Variants in G6PD observed in about 807,000 individuals in gnomAD.
G6PD encodes glucose-6-phosphate dehydrogenase.
G6PD carries 2 observed loss-of-function variants against 38.2 expected under a neutral mutation model. The ratio of observed to expected loss-of-function variants is 0.05; its 90% confidence interval spans 0.02 to 0.16. G6PD has a LOEUF of 0.16. Ranked by LOEUF, G6PD falls within the 10% of genes least tolerant of loss-of-function variation. The pLI is 1.00. For missense variants in G6PD, 310 were observed against 471.6 expected, an observed-to-expected ratio of 0.66 and a Z score of 3.17; for synonymous variants, 188 against 196.0, an observed-to-expected ratio of 0.96 and a Z score of 0.34.
intron 6 of G6PD, 34 bp from the exon 7 acceptor site, chrX:154,534,194 T>C: frequency 1.7e-6 from 2 of 1,210,536 alleles, no homozygotes; most frequent in Non-Finnish European, 2.2e-6. Context: ...GAACTGACCT[T>C]GGGCCTCTGT....
At chrX:154,539,937 G>A (rs1442851236) in intron 2 of G6PD, among the ~76,000 whole-genome samples, 1 of 110,027 alleles carries the variant, frequency 9.1e-6, no homozygotes, top group African/African-American at 3.3e-5. Flanking sequence ...TGGCCAGGCT[G>A]GCCTCAAACT....
intron 2 of G6PD, among the ~76,000 whole-genome samples, chrX:154,542,779 G>C (rs1557232279): frequency 8.9e-6 from 1 of 111,858 alleles, no homozygotes; most frequent in Admixed American, 9.5e-5. Flanking sequence ...GGCCCTCTTT[G>C]TGGGATCTAT....
chrX:154,542,361 T>A, intron 2 of G6PD: 1 of 1,206,187 alleles, frequency 8.3e-7, no homozygotes, highest in African/African-American at 1.7e-5. Flanking sequence ...CCTGTGAAGC[T>A]CTCCAGCATC....
upstream of G6PD, chrX:154,546,866 C>T (rs1388938712): frequency 3.9e-5 from 43 of 1,101,250 alleles, no homozygotes; most frequent in Non-Finnish European, 4.8e-5. Context: ...GCCCCGCCGG[C>T]CCATTTAATC....
intron 2 of G6PD, among the ~76,000 whole-genome samples, chrX:154,545,127 G>A (rs1006395069): frequency 9.0e-6 from 1 of 111,227 alleles, no homozygotes; most frequent in Non-Finnish European, 1.9e-5. Context: ...CTCTAGTCTC[G>A]GGCGATGGCT....
chrX:154,538,011 T>TA (rs72034046), intron 2 of G6PD, among the ~76,000 whole-genome samples: 8 of 98,280 alleles, frequency 8.1e-5, no homozygotes, highest in Non-Finnish European at 1.4e-4. Context: ...TTTTTTTTTT[T>TA]AAAGACATGG....
rs137852326 is a variant in G6PD, at chrX:154,534,345, C to G, written c.637G>C (p.Val213Leu). 1.7e-6 allele frequency: 2 copies of G among 1,211,526 alleles called. No homozygotes were observed. Among genetic ancestry groups the G allele is most frequent in the Non-Finnish European group, 2.2e-6 (2 of 895,306 alleles). Reference sequence around the variant, plus strand: ...GCCCAGGCTTGGCCCCACCTCAGCACCATGAGGTTCTGCACCATCTCCTTG... The same window carrying G: ...GCCCAGGCTTGGCCCCACCTCAGCAGCATGAGGTTCTGCACCATCTCCTTG... Reference protein sequence around the residue: ...LGKEMVQNLMVLRFANRIFGP... With the variant: ...LGKEMVQNLMLLRFANRIFGP... The change falls in exon 6 of 13, where the codon GTG becomes CTG. Residue 213 changes from valine to leucine, a missense_variant. By Grantham distance (32) the Val-to-Leu change is conservative (BLOSUM62 1). Transcript: ENST00000393562.
intron 2 of G6PD, among the ~76,000 whole-genome samples, chrX:154,537,234 G>C (rs1557230955): frequency 8.9e-6 from 1 of 112,297 alleles, no homozygotes. Flanking sequence ...GAACCCGGGA[G>C]ATGGAGGTTG....
intron 2 of G6PD, among the ~76,000 whole-genome samples, chrX:154,540,204 C>T (rs1345925632): frequency 9.2e-6 from 1 of 109,048 alleles, no homozygotes; most frequent in Admixed American, 9.7e-5. Flanking sequence ...GGCGCGGTGG[C>T]TCATGCCTGT....
At chrX:154,537,230 G>C (rs1202679001) in intron 2 of G6PD, among the ~76,000 whole-genome samples, 1 of 112,044 alleles carries the variant, frequency 8.9e-6, no homozygotes, top group African/African-American at 3.2e-5. Flanking sequence ...ACTTGAACCC[G>C]GGAGATGGAG....
intron 2 of G6PD, chrX:154,542,557 C>G (rs1485266388): frequency 2.0e-6 from 2 of 1,010,382 alleles, no homozygotes; most frequent in African/African-American, 3.9e-5. Context: ...AGGAAGGAAG[C>G]TGGGTGTGTG....
In G6PD at chrX:154,546,018, G is replaced by A. The variant is rs1557233143; in HGVS notation, c.120+18C>T. The A allele has an allele frequency of 8.3e-7, 1 of 1,209,107 alleles. No individual in the cohort carries two copies. The highest frequency in any genetic ancestry group is 3.0e-5 in the East Asian group (1 of 33,791). On this transcript the variant is annotated intron_variant, in intron 2 of 12. Coordinates refer to ENST00000393562, the MANE Select transcript of G6PD (RefSeq NM_001360016.2). ...GGCACTTCCTGGCTTTTAAGATTGG[G>A]GCCTGGGAGATACTCACCGATGCAC...
Position 154,532,470 on chromosome X carries a change from G to GGA in G6PD, c.1288-10_1288-9dup. The GGA allele has an allele frequency of 8.3e-7, 1 of 1,211,072 alleles. No homozygotes were observed. Among genetic ancestry groups the GGA allele is most frequent in the Non-Finnish European group, 1.1e-6 (1 of 894,719 alleles). ...GTCAGGGAGCTTCACGTTCTGTGAGGGAGAGAGTGTCTTGCTGATGCCACT... is the reference window on the plus strand; with the variant it reads ...GTCAGGGAGCTTCACGTTCTGTGAGGGAGAGAGAGTGTCTTGCTGATGCCACT... On this transcript the variant is annotated splice_polypyrimidine_tract_variant and intron_variant, in intron 10 of 12. Transcript: ENST00000393562.
At position 154,535,183 on chromosome X, in the gene G6PD, G is replaced by A. The variant is rs1557230569; in HGVS notation, c.470C>T (p.Ser157Phe). The change falls in exon 5 of 13, where the codon TCC becomes TTC. Residue 157 changes from serine to phenylalanine, a missense_variant. By Grantham distance (155) the Ser-to-Phe change is radical. Coordinates refer to ENST00000393562, the MANE Select transcript of G6PD (RefSeq NM_001360016.2). ...YEAVTKNIHE[S>F]CMSQIGWNRI... is the part of the protein sequence containing the mutation. ...CAAGCCTTACATCTGGCTCATGCAG[G>A]ACTCGTGAATGTTCTTGGTGACGGC... 1.7e-6 allele frequency: 2 copies of A among 1,210,908 alleles called. No individual in the cohort carries two copies. The highest frequency in any genetic ancestry group is 2.2e-6 in the Non-Finnish European group (2 of 895,163).
chrX:154,534,223 G>A, intron 6 of G6PD, 63 bp from the exon 7 acceptor site: 1 of 1,206,794 alleles, frequency 8.3e-7, no homozygotes, highest in Non-Finnish European at 1.1e-6. Flanking sequence ...GGCCACATGT[G>A]AGGGGTCACC....
At chrX:154,546,273 G>A in intron 1 of G6PD, 110 bp from the exon 2 acceptor site, 2 of 1,017,474 alleles carry the variant, frequency 2.0e-6, no homozygotes, top group Non-Finnish European at 1.4e-6. Context: ...ACACCTGATT[G>A]CCCAAATCAC....
intron 2 of G6PD, among the ~76,000 whole-genome samples, chrX:154,543,369 G>C (rs2515910): frequency 1.8e-5 from 2 of 112,457 alleles, no homozygotes; most frequent in Non-Finnish European, 3.8e-5. Context: ...GCTTGGAAAA[G>C]CCTAAGGACC....
intron 2 of G6PD, chrX:154,542,482 G>A (rs1194811711): frequency 8.7e-7 from 1 of 1,155,359 alleles, no homozygotes; most frequent in Non-Finnish European, 1.2e-6. Context: ...TTCTGGTAGG[G>A]GTGGGAGTCC....
chrX:154,547,197 C>A, upstream of G6PD: 1 of 402,983 alleles, frequency 2.5e-6, no homozygotes, highest in Non-Finnish European at 3.2e-6. Flanking sequence ...GCCTCGCGCG[C>A]TCGCGGAGGG....
Sources: allele counts gnomAD v4.1 joint callset (sites outside exome capture counted in the v4.1 genomes callset), GRCh38; gene constraint gnomAD v4.1.1; transcripts MANE v1.5; gene names NCBI Gene and HGNC (gene_info 2026-07-23, HGNC 2026-07-21).